NRXN1: variants seen among roughly 807,000 people sequenced by gnomAD.
NRXN1 encodes the protein neurexin 1, also known as neurexin-1.
Under a neutral mutation model 150.9 loss-of-function variants are expected in NRXN1, and 39 were observed. The observed-to-expected ratio is 0.26, with a 90% CI of 0.20 to 0.34. NRXN1 has a LOEUF of 0.34. Ranked by LOEUF, NRXN1 falls within the 10% of genes least tolerant of loss-of-function variation. NRXN1 has a pLI of 1.00. For missense variants in NRXN1, 1,815 were observed against 1,949.9 expected, an observed-to-expected ratio of 0.93 and a Z score of 1.30; for synonymous variants, 924 against 757.0, an observed-to-expected ratio of 1.22 and a Z score of -3.62.
chr2:50,903,346 C>G (rs1434823967), intron 5 of NRXN1, among the ~76,000 whole-genome samples: 3 of 152,128 alleles, frequency 2.0e-5, no homozygotes, highest in African/African-American at 7.2e-5. Flanking sequence ...CATACTGAAG[C>G]TGAATTCAAT....
At chr2:50,824,922 A>G in intron 5 of NRXN1, among the ~76,000 whole-genome samples, 1 of 152,240 alleles carries the variant, frequency 6.6e-6, no homozygotes, top group East Asian at 1.9e-4. Flanking sequence ...GGCATCCACA[A>G]TTTGTTATTA....
chr2:50,158,905 C>A (rs2152782837), intron 18 of NRXN1, among the ~76,000 whole-genome samples: 1 of 152,140 alleles, frequency 6.6e-6, no homozygotes, highest in African/African-American at 2.4e-5. Flanking sequence ...GTGAACCTTT[C>A]CTGTCAGGAT....
At position 50,534,705 on chromosome 2, in the gene NRXN1, T is replaced by A. The variant is rs368367556; in HGVS notation, c.2144-3275A>T. ...TGTGTTCAGTTACTTTGGTTTCATA[T>A]AGATAAAAGGATCAAAACAGTGTTT... On this transcript the variant is annotated intron_variant, in intron 10 of 22. Transcript: ENST00000401669. 3.6e-3 allele frequency among the ~76,000 whole-genome samples: 543 copies of A among 152,318 alleles called. 3 individuals are homozygous for A. The highest frequency in any genetic ancestry group is 0.012 in the African/African-American group (514 of 41,570).
intron 17 of NRXN1, among the ~76,000 whole-genome samples, chr2:50,406,598 G>A (rs1011334748): frequency 6.6e-5 from 10 of 152,022 alleles, no homozygotes; most frequent in Non-Finnish European, 1.3e-4. Context: ...GGATCTGAGT[G>A]GAAAGACAGA....
At chr2:50,780,152 C>T (rs1235526988) in intron 5 of NRXN1, among the ~76,000 whole-genome samples, 1 of 152,102 alleles carries the variant, frequency 6.6e-6, no homozygotes, top group Non-Finnish European at 1.5e-5. Context: ...GTTTGTTGGC[C>T]ATATAAATGT....
intron 18 of NRXN1, among the ~76,000 whole-genome samples, chr2:50,124,769 T>C (rs1468344153): frequency 2.0e-5 from 3 of 152,136 alleles, no homozygotes; most frequent in Non-Finnish European, 4.4e-5. Context: ...ATTTCATCAG[T>C]AAATATATAC....
Position 50,778,194 on chromosome 2 carries a change from G to GT in NRXN1, c.832+143674dup, listed in dbSNP as rs1280757750. Among the ~76,000 whole-genome samples the GT allele has an allele frequency of 2.6e-5, 4 of 152,214 alleles. No homozygotes were observed. In the East Asian group the frequency reaches 7.7e-4, roughly 29 times the overall value. ...GTCAGATTCCACAGGGACTAAGGAT[G>GT]TAAAAACAATGAGTCATTACAGGTG... is the stretch of plus-strand genomic sequence containing the variant. On this transcript the variant is annotated intron_variant, in intron 5 of 22. Transcript: ENST00000401669.
chr2:50,424,044 C>A (rs2104290263), intron 17 of NRXN1, among the ~76,000 whole-genome samples: 1 of 150,634 alleles, frequency 6.6e-6, no homozygotes, highest in South Asian at 2.1e-4. Context: ...ATAAGAAGTT[C>A]ATTGAAATGG....
chr2:50,777,344 T>C (rs567411443), intron 5 of NRXN1, among the ~76,000 whole-genome samples: 37 of 152,294 alleles, frequency 2.4e-4, no homozygotes, highest in African/African-American at 8.4e-4. Context: ...TATGGTCATA[T>C]GCCTAAAAGC....
intron 5 of NRXN1, among the ~76,000 whole-genome samples, chr2:50,697,996 T>C (rs1693179437): frequency 6.6e-6 from 1 of 152,214 alleles, no homozygotes; most frequent in South Asian, 2.1e-4. Context: ...CACAACCCCA[T>C]CTACACTACA....
At chr2:50,969,626 T>C (rs967840769) in intron 2 of NRXN1, among the ~76,000 whole-genome samples, 1 of 152,104 alleles carries the variant, frequency 6.6e-6, no homozygotes, top group Non-Finnish European at 1.5e-5. Flanking sequence ...TGTTAGGAAA[T>C]GTTTGGGAAA....
At chr2:50,277,530 C>T (rs1158367825) in intron 17 of NRXN1, among the ~76,000 whole-genome samples, 2 of 126,140 alleles carry the variant, frequency 1.6e-5, no homozygotes, top group East Asian at 2.1e-4. Context: ...TCCTTCCTTC[C>T]TTTCTCTTCT....
intron 21 of NRXN1, among the ~76,000 whole-genome samples, chr2:50,009,057 T>C (rs1212519035): frequency 6.6e-6 from 1 of 152,164 alleles, no homozygotes; most frequent in East Asian, 1.9e-4. Context: ...ACTATTTGTT[T>C]TTCCAAAATT....
intron 17 of NRXN1, among the ~76,000 whole-genome samples, chr2:50,269,873 A>T (rs1356958249): frequency 6.6e-6 from 1 of 152,138 alleles, no homozygotes; most frequent in Non-Finnish European, 1.5e-5. Context: ...CTTAAATTTT[A>T]CTCTAGTTTT....
At chr2:50,985,493 T>G (rs903680285) in intron 2 of NRXN1, 9 of 151,524 alleles carry the variant, frequency 5.9e-5, no homozygotes, top group African/African-American at 2.2e-4. Flanking sequence ...ACTCAAGCAA[T>G]CCAACATCAA....
At chr2:50,899,348 C>T (rs756612726) in intron 5 of NRXN1, among the ~76,000 whole-genome samples, 2 of 152,130 alleles carry the variant, frequency 1.3e-5, no homozygotes, top group African/African-American at 4.8e-5. Flanking sequence ...ACATTAAATG[C>T]TTTGACAATG....
chr2:50,342,866 T>C (rs1212585349), intron 17 of NRXN1, among the ~76,000 whole-genome samples: 1 of 152,248 alleles, frequency 6.6e-6, no homozygotes, highest in East Asian at 1.9e-4. Flanking sequence ...GACATCTGGC[T>C]CCGTCTTTTG....
intron 21 of NRXN1, among the ~76,000 whole-genome samples, chr2:49,974,745 C>T (rs1264326478): frequency 7.1e-6 from 1 of 141,708 alleles, no homozygotes; most frequent in Non-Finnish European, 1.5e-5. Flanking sequence ...TTAAGAAATA[C>T]ATTCTTAGGC....
intron 15 of NRXN1, among the ~76,000 whole-genome samples, chr2:50,493,089 G>C (rs1207573992): frequency 1.3e-5 from 2 of 152,216 alleles, no homozygotes; most frequent in Admixed American, 1.3e-4. Context: ...ATGACTCTCA[G>C]CAGGATGGAG....
Sources: gnomAD v4.1 joint callset for allele counts (sites outside exome capture counted in the v4.1 genomes callset) on GRCh38, gnomAD v4.1.1 for gene constraint, MANE v1.5 for transcripts, NCBI Gene and HGNC (gene_info 2026-07-23, HGNC 2026-07-21) for gene names.